SGCD: variants seen among roughly 807,000 people sequenced by gnomAD.
The protein encoded by SGCD is delta-sarcoglycan.
Under a neutral mutation model 36.6 loss-of-function variants are expected in SGCD, and 18 were observed. The observed-to-expected ratio is 0.49, with a 90% CI of 0.34 to 0.73. The LOEUF (loss-of-function observed/expected upper bound fraction) is 0.73. SGCD is among the 30% of genes least tolerant of loss of function. The probability of loss-of-function intolerance (pLI) is 0.01; values close to 1 mark genes in which losing one functional copy is unlikely to be tolerated. For synonymous variants in SGCD, 133 were observed against 130.6 expected (o/e 1.02, Z -0.12); for missense variants, 387 against 346.7 (o/e 1.12, Z -0.92).
chr5:156,258,904 AGG>A (rs1282135798), intron 3 of SGCD, among the ~76,000 whole-genome samples: 1 of 152,002 alleles, frequency 6.6e-6, no homozygotes, highest in Non-Finnish European at 1.5e-5. Flanking sequence ...AAGAGAGTAA[AGG>A]GGTTCTGACT....
chr5:156,647,480 G>A lies in SGCD; in HGVS notation c.519G>A (p.Val173=). The change falls in exon 7 of 9, where the codon GTG becomes GTA. Residue 173 remains valine, a synonymous_variant. Transcript: ENST00000337851. ...TGTTTACAGGAGCGGAGGGCACAGT[G>A]TTCCCTAAATCTATAGAAACACCTA... ...RLRVLGAEGT[V]FPKSIETPNV... The A allele has an allele frequency of 6.3e-7, 1 of 1,585,754 alleles. No individual in the cohort carries two copies. Among genetic ancestry groups the A allele is most frequent in the Non-Finnish European group, 8.6e-7 (1 of 1,164,004 alleles).
the SGCD span, among the ~76,000 whole-genome samples, chr5:155,803,173 A>C: frequency 6.6e-6 from 1 of 152,246 alleles, no homozygotes; most frequent in South Asian, 2.1e-4. Context: ...TCTGATCAAG[A>C]AAACATAAAC....
chr5:156,613,253 T>C (rs952964075), intron 6 of SGCD, among the ~76,000 whole-genome samples: 2 of 152,220 alleles, frequency 1.3e-5, no homozygotes, highest in South Asian at 2.1e-4. Context: ...TGCTGTTTCA[T>C]TGTGGTAATA....
At chr5:155,950,173 A>G (rs1259407580) in intron 1 of SGCD, among the ~76,000 whole-genome samples, 1 of 152,186 alleles carries the variant, frequency 6.6e-6, no homozygotes, top group Non-Finnish European at 1.5e-5. Flanking sequence ...GGACATAAAC[A>G]ATATTATCAG....
intron 1 of SGCD, among the ~76,000 whole-genome samples, chr5:156,086,220 T>C (rs796352833): frequency 2.0e-5 from 3 of 152,256 alleles, no homozygotes; most frequent in African/African-American, 7.2e-5. Context: ...TCAAATATGA[T>C]GTATACAATT....
intron 7 of SGCD, among the ~76,000 whole-genome samples, chr5:156,740,705 T>TA (rs1343635633): frequency 6.6e-6 from 1 of 152,230 alleles, no homozygotes; most frequent in East Asian, 1.9e-4. Context: ...GAAGATCTGC[T>TA]AAGTCAGTCT....
At chr5:155,904,467 A>C (rs1344064199) in intron 1 of SGCD, among the ~76,000 whole-genome samples, 2 of 152,208 alleles carry the variant, frequency 1.3e-5, no homozygotes, top group Non-Finnish European at 2.9e-5. Flanking sequence ...CTAATGGTTA[A>C]AGTAACCTAA....
rs73813244 is a variant in SGCD, at chr5:156,128,156, G to C, written c.-44+4137G>C. Among the ~76,000 whole-genome samples, 1,263 of 152,070 alleles carry C rather than the reference G, an allele frequency of 8.3e-3. 17 individuals are homozygous for C. The highest frequency in any genetic ancestry group is 0.029 in the African/African-American group (1,213 of 41,494). On this transcript the variant is annotated intron_variant, in intron 3 of 9. Coordinates refer to the SGCD transcript ENST00000517913. ...AAAATAGCCAACAAAGACAAGCAGT[G>C]GTGCTTAATTTGCATTGCACCACAA...
the SGCD span, among the ~76,000 whole-genome samples, chr5:155,764,266 C>T: frequency 1.3e-5 from 2 of 152,096 alleles, no homozygotes; most frequent in Non-Finnish European, 2.9e-5. Flanking sequence ...CTTTAAATAG[C>T]ATAGTAGTTA....
At chr5:156,558,304 T>C (rs1305262253) in intron 4 of SGCD, among the ~76,000 whole-genome samples, 1 of 151,580 alleles carries the variant, frequency 6.6e-6, no homozygotes, top group Admixed American at 6.6e-5. Flanking sequence ...CCTTCCTCCA[T>C]TGGTGGAGAA....
chr5:156,350,214 A>G (rs571765983), intron 3 of SGCD, among the ~76,000 whole-genome samples: 7 of 129,596 alleles, frequency 5.4e-5, no homozygotes, highest in Admixed American at 1.6e-4. Context: ...ACCAAAAACC[A>G]CTTGTATCTC....
intron 7 of SGCD, among the ~76,000 whole-genome samples, chr5:156,698,301 G>A (rs1186776822): frequency 6.6e-6 from 1 of 152,172 alleles, no homozygotes; most frequent in Non-Finnish European, 1.5e-5. Context: ...CAGTCTCTAA[G>A]CAGGCTAGGG....
chr5:156,671,851 C>CTG (rs990957452), intron 7 of SGCD, among the ~76,000 whole-genome samples: 1 of 152,120 alleles, frequency 6.6e-6, no homozygotes, highest in African/African-American at 2.4e-5. Flanking sequence ...AAGCTTTTAC[C>CTG]TGTGGCAGAA....
chr5:156,544,542 A>G (rs1758480953), intron 4 of SGCD, among the ~76,000 whole-genome samples: 1 of 152,200 alleles, frequency 6.6e-6, no homozygotes, highest in Admixed American at 6.5e-5. Flanking sequence ...TAGTGGAACA[A>G]AAGTAGAAGT....
At chr5:155,865,886 CTA>C (rs1267566751), upstream of SGCD, among the ~76,000 whole-genome samples, 9 of 152,176 alleles carry the variant, frequency 5.9e-5, no homozygotes, top group Non-Finnish European at 1.2e-4. Flanking sequence ...CTGTCAGTTG[CTA>C]TCATTGAAAT....
At chr5:156,364,385 C>T (rs1017469675) in intron 3 of SGCD, among the ~76,000 whole-genome samples, 5 of 150,936 alleles carry the variant, frequency 3.3e-5, no homozygotes, top group Non-Finnish European at 7.4e-5. Context: ...TTTTTTAATG[C>T]GCAATGAAAT....
intron 6 of SGCD, among the ~76,000 whole-genome samples, chr5:156,603,042 A>G (rs2113420573): frequency 6.6e-6 from 1 of 152,208 alleles, no homozygotes. Context: ...AGTGTTTGGC[A>G]AGAAGTCAGC....
chr5:156,441,766 C>T (rs1381602113), intron 3 of SGCD, among the ~76,000 whole-genome samples: 1 of 152,082 alleles, frequency 6.6e-6, no homozygotes, highest in African/African-American at 2.4e-5. Context: ...CTAGCCAAGG[C>T]CATTTCCTTA....
intron 7 of SGCD, among the ~76,000 whole-genome samples, chr5:156,704,657 G>A (rs1164689931): frequency 6.6e-6 from 1 of 151,978 alleles, no homozygotes; most frequent in Non-Finnish European, 1.5e-5. Flanking sequence ...ATAGAAAAGT[G>A]GTTTATTCGA....
Sources: allele counts gnomAD v4.1 joint callset (sites outside exome capture counted in the v4.1 genomes callset), GRCh38; gene constraint gnomAD v4.1.1; transcripts MANE v1.5; gene names NCBI Gene and HGNC (gene_info 2026-07-23, HGNC 2026-07-21).